CNTNAP2: variants seen among roughly 807,000 people sequenced by gnomAD.
CNTNAP2 encodes contactin-associated protein-like 2.
In CNTNAP2, 98 loss-of-function variants were observed where a neutral mutation model predicts 155.2. That is an observed-to-expected ratio of 0.63 (90% CI 0.54 to 0.75). The LOEUF (loss-of-function observed/expected upper bound fraction) is 0.75, where lower values mean the gene tolerates loss of function less well. CNTNAP2 is among the 30% of genes least tolerant of loss of function. The pLI, the probability that CNTNAP2 is intolerant of heterozygous loss-of-function variation, is 0.00. For missense variants in CNTNAP2, 1,727 were observed against 1,688.1 expected (o/e 1.02, Z -0.40); for synonymous variants, 651 against 631.2 (o/e 1.03, Z -0.47).
intron 20 of CNTNAP2, among the ~76,000 whole-genome samples, chr7:148,260,422 C>T (rs1405318766): frequency 6.6e-6 from 1 of 152,148 alleles, no homozygotes; most frequent in African/African-American, 2.4e-5. Context: ...AAGATCAGCA[C>T]AAAGCCTTGT....
chr7:148,274,945 C>T (rs989620707), intron 21 of CNTNAP2, among the ~76,000 whole-genome samples: 1 of 152,052 alleles, frequency 6.6e-6, no homozygotes, highest in African/African-American at 2.4e-5. Context: ...ACATGTTTAG[C>T]GGTTAGCACA....
At chr7:147,043,047 T>A (rs893737669) in intron 3 of CNTNAP2, among the ~76,000 whole-genome samples, 102 of 152,228 alleles carry the variant, frequency 6.7e-4, no homozygotes, top group African/African-American at 2.4e-3. Context: ...TATAATAGTT[T>A]CTTTCTTTAA....
At chr7:147,209,050 A>G (rs1368380498) in intron 8 of CNTNAP2, among the ~76,000 whole-genome samples, 2 of 152,006 alleles carry the variant, frequency 1.3e-5, no homozygotes, top group African/African-American at 4.8e-5. Flanking sequence ...CATATTGCTC[A>G]GGATTACCTT....
At chr7:148,217,605 TG>T (rs1795667964) in intron 19 of CNTNAP2, 81 bp downstream of exon 19, 3 of 1,468,092 alleles carry the variant, frequency 2.0e-6, no homozygotes, top group African/African-American at 2.8e-5. Context: ...AGATTGTTCT[TG>T]GTTTGTTATT....
intron 13 of CNTNAP2, among the ~76,000 whole-genome samples, chr7:147,759,183 T>A (rs1248103275): frequency 6.6e-6 from 1 of 152,202 alleles, no homozygotes; most frequent in African/African-American, 2.4e-5. Context: ...AGATCCAGGT[T>A]GTTACTGATA....
chr7:146,835,959 C>G (rs1231434217), intron 2 of CNTNAP2, among the ~76,000 whole-genome samples: 2 of 152,136 alleles, frequency 1.3e-5, no homozygotes, highest in African/African-American at 4.8e-5. Context: ...CCAGTCGTTG[C>G]AGTTGCACAA....
At chr7:147,318,133 T>C (rs1224966428) in intron 9 of CNTNAP2, among the ~76,000 whole-genome samples, 2 of 152,160 alleles carry the variant, frequency 1.3e-5, no homozygotes, top group Non-Finnish European at 2.9e-5. Context: ...ACTACTTGAA[T>C]ATATTTCCAT....
chr7:147,973,998 A>G (rs528487518), intron 14 of CNTNAP2, among the ~76,000 whole-genome samples: 2 of 152,346 alleles, frequency 1.3e-5, no homozygotes, highest in East Asian at 3.9e-4. Flanking sequence ...CGTGGCTTAT[A>G]AATTTCTATC....
intron 8 of CNTNAP2, among the ~76,000 whole-genome samples, chr7:147,258,895 C>A (rs1167981160): frequency 1.3e-5 from 2 of 152,164 alleles, no homozygotes; most frequent in Non-Finnish European, 2.9e-5. Context: ...TTTTCTCAAT[C>A]TGGATTGTTT....
intron 11 of CNTNAP2, among the ~76,000 whole-genome samples, chr7:147,488,523 T>C (rs1798549689): frequency 6.7e-6 from 1 of 149,684 alleles, no homozygotes; most frequent in Non-Finnish European, 1.5e-5. Context: ...TGAAAAGAAA[T>C]CATGCTAATT....
chr7:146,320,071 T>A (rs1048877524), intron 1 of CNTNAP2, among the ~76,000 whole-genome samples: 1 of 151,450 alleles, frequency 6.6e-6, no homozygotes, highest in South Asian at 2.1e-4. Flanking sequence ...GACATCTGAA[T>A]TAATATTTTT....
chr7:147,776,354 GA>G (rs1027241833), intron 13 of CNTNAP2, among the ~76,000 whole-genome samples: 1 of 147,350 alleles, frequency 6.8e-6, no homozygotes, highest in African/African-American at 2.5e-5. Flanking sequence ...AAAGGAAAAA[GA>G]AAAAAAATGA....
At chr7:147,723,720 AT>A (rs890351347) in intron 13 of CNTNAP2, among the ~76,000 whole-genome samples, 1 of 152,056 alleles carries the variant, frequency 6.6e-6, no homozygotes, top group African/African-American at 2.4e-5. Context: ...ACTTCACCTC[AT>A]TCAGTCTTCG....
intron 20 of CNTNAP2, among the ~76,000 whole-genome samples, chr7:148,253,827 CATAT>C (rs1260806935): frequency 1.3e-5 from 2 of 152,176 alleles, no homozygotes; most frequent in African/African-American, 4.8e-5. Context: ...TTTGACTAAT[CATAT>C]ATAGTCATCC....
At chr7:147,346,948 A>C (rs1584888976) in intron 9 of CNTNAP2, among the ~76,000 whole-genome samples, 2 of 152,102 alleles carry the variant, frequency 1.3e-5, no homozygotes, top group East Asian at 3.9e-4. Context: ...TATTCTCCTA[A>C]AAATCATGCA....
chr7:148,383,501 C>G, intron 21 of CNTNAP2, 148 bp from the exon 22 acceptor site: 10 of 1,143,450 alleles, frequency 8.7e-6, no homozygotes, highest in Non-Finnish European at 1.3e-5. Context: ...TAAATCTTAT[C>G]GACCCATTAA....
At chr7:147,338,815 T>C (rs1014220726) in intron 9 of CNTNAP2, among the ~76,000 whole-genome samples, 6 of 151,848 alleles carry the variant, frequency 4.0e-5, no homozygotes, top group Non-Finnish European at 7.4e-5. Flanking sequence ...CACATGTGTA[T>C]GTAGATATAT....
chr7:147,139,223 T>C (rs912635800), intron 8 of CNTNAP2, among the ~76,000 whole-genome samples: 3 of 152,114 alleles, frequency 2.0e-5, no homozygotes, highest in Non-Finnish European at 4.4e-5. Context: ...ATATACAATG[T>C]GGTCCTTTAC....
chr7:146,255,944 T>G (rs965080383), intron 1 of CNTNAP2, among the ~76,000 whole-genome samples: 2 of 152,194 alleles, frequency 1.3e-5, no homozygotes, highest in African/African-American at 4.8e-5. Flanking sequence ...TCCTCCCTTC[T>G]AAATTTTGAC....
Sources: allele counts gnomAD v4.1 joint callset (sites outside exome capture counted in the v4.1 genomes callset), GRCh38; gene constraint gnomAD v4.1.1; transcripts MANE v1.5; gene names NCBI Gene and HGNC (gene_info 2026-07-23, HGNC 2026-07-21).